CFTR: variants seen among roughly 807,000 people sequenced by gnomAD.
The protein encoded by CFTR is CF transmembrane conductance regulator.
A neutral mutation model predicts 171.6 loss-of-function variants in CFTR; 181 were observed. That is an observed-to-expected ratio of 1.05 (90% confidence interval 0.93 to 1.19). CFTR has a LOEUF of 1.19. Among genes scored for constraint, CFTR ranks in the 50% most tolerant of loss-of-function variants. The pLI, the probability that CFTR is intolerant of heterozygous loss-of-function variation, is 0.00. For missense variants in CFTR, 1,968 were observed against 1,734.7 expected (o/e 1.13, Z -2.39); for synonymous variants, 583 against 608.0 (o/e 0.96, Z 0.60).
intron 8 of CFTR, among the ~76,000 whole-genome samples, chr7:117,540,550 T>A (rs952932738): frequency 6.6e-6 from 1 of 152,142 alleles, no homozygotes. Context: ...TGGATGAGAG[T>A]GGCATTTTAT....
At chr7:117,593,116 A>AT (rs1279616027) in intron 14 of CFTR, among the ~76,000 whole-genome samples, 3 of 152,188 alleles carry the variant, frequency 2.0e-5, no homozygotes, top group African/African-American at 7.2e-5. Flanking sequence ...TCTGGTTTGT[A>AT]TATCAGTCTT....
rs1049078347 is a variant in CFTR at position 117,551,161 on chromosome 7, G to A, written c.1392+2338G>A. 3.9e-5 allele frequency among the ~76,000 whole-genome samples: 6 copies of A among 152,106 alleles called. No individual in the cohort carries two copies. The South Asian group carries it at 1.2e-3, about 32-fold the overall frequency. On this transcript the variant is annotated intron_variant, in intron 10 of 26. Transcript: ENST00000003084. ...GCTTTCAGGAGCCAAAAATTGGGTG[G>A]GGGAGCCCCATAAATGTTGAATAAT...
chr7:117,587,914 C>T lies in CFTR; in HGVS notation c.1679+81C>T, dbSNP rs1584810366. The T allele has an allele frequency of 7.0e-6, 6 of 861,360 alleles. No individual in the cohort carries two copies. The East Asian group carries it at 1.3e-4, about 19-fold the overall frequency. 53.4% of individuals were successfully genotyped at this position (861,360 alleles called of 1,614,324 possible). On this transcript the variant is annotated intron_variant, in intron 12 of 26. Transcript: ENST00000003084. ...AAAAATTACAGACATTTCTCTATTG[C>T]TTTATATTCTGTTTCTGGAATTGAA...
intron 1 of CFTR, among the ~76,000 whole-genome samples, chr7:117,497,102 T>A (rs1432538768): frequency 2.0e-5 from 3 of 152,176 alleles, no homozygotes; most frequent in African/African-American, 7.2e-5. Context: ...GCAAATTGGA[T>A]ACATGTGTAG....
intron 11 of CFTR, among the ~76,000 whole-genome samples, chr7:117,561,704 TGA>T (rs1791498385): frequency 1.3e-5 from 2 of 152,152 alleles, no homozygotes; most frequent in African/African-American, 4.8e-5. Context: ...GTGTAGAACA[TGA>T]ATCATATACT....
chr7:117,518,331 C>T (rs896767960), intron 3 of CFTR, among the ~76,000 whole-genome samples: 2 of 145,042 alleles, frequency 1.4e-5, no homozygotes, highest in Non-Finnish European at 3.0e-5. Context: ...TTGTATATAA[C>T]ATATGTTATA....
intron 13 of CFTR, among the ~76,000 whole-genome samples, chr7:117,591,406 A>G (rs1295447644): frequency 2.0e-5 from 3 of 152,082 alleles, no homozygotes; most frequent in Non-Finnish European, 4.4e-5. Context: ...AGTCAAATTA[A>G]TTATCGAATT....
chr7:117,597,549 C>T (rs200658244), intron 15 of CFTR, among the ~76,000 whole-genome samples: 44 of 152,186 alleles, frequency 2.9e-4, no homozygotes, highest in African/African-American at 9.4e-4. Flanking sequence ...TGTGCCACCA[C>T]CAATAAGCAA....
intron 23 of CFTR, among the ~76,000 whole-genome samples, chr7:117,644,700 GT>G (rs1352936479): frequency 6.6e-6 from 1 of 152,142 alleles, no homozygotes; most frequent in Non-Finnish European, 1.5e-5. Flanking sequence ...CCTTGCAGGT[GT>G]TTTGTTTTGT....
At chr7:117,604,431 T>G (rs974453932) in intron 17 of CFTR, among the ~76,000 whole-genome samples, 1 of 152,100 alleles carries the variant, frequency 6.6e-6, no homozygotes, top group Non-Finnish European at 1.5e-5. Context: ...TTTCCCCAAG[T>G]TTTTTCATAG....
intron 24 of CFTR, among the ~76,000 whole-genome samples, chr7:117,664,085 T>C (rs974895119): frequency 7.2e-5 from 11 of 152,228 alleles, no homozygotes; most frequent in Non-Finnish European, 1.3e-4. Context: ...TACCTATTTG[T>C]TACAGTTAGT....
At chr7:117,540,925 T>A (rs556663738) in intron 8 of CFTR, among the ~76,000 whole-genome samples, 1 of 152,072 alleles carries the variant, frequency 6.6e-6, no homozygotes, top group East Asian at 1.9e-4. Flanking sequence ...CAATTAAAAA[T>A]TGGGAGATGT....
chr7:117,557,666 A>G (rs1799382408), intron 10 of CFTR, among the ~76,000 whole-genome samples: 1 of 152,092 alleles, frequency 6.6e-6, no homozygotes, highest in Non-Finnish European at 1.5e-5. Flanking sequence ...TCTAACATGA[A>G]AATTATAGTC....
At chr7:117,599,889 G>T (rs1017928443) in intron 15 of CFTR, among the ~76,000 whole-genome samples, 1 of 151,994 alleles carries the variant, frequency 6.6e-6, no homozygotes, top group Non-Finnish European at 1.5e-5. Context: ...TGGTACAACT[G>T]CTAATCCAGG....
intron 23 of CFTR, among the ~76,000 whole-genome samples, chr7:117,648,597 T>C (rs916608483): frequency 1.2e-4 from 18 of 152,172 alleles, no homozygotes; most frequent in African/African-American, 3.9e-4. Flanking sequence ...GTGTGATTGA[T>C]AGTTTCAGGT....
chr7:117,496,638 G>A (rs1181202158), intron 1 of CFTR, among the ~76,000 whole-genome samples: 1 of 152,160 alleles, frequency 6.6e-6, no homozygotes, highest in Non-Finnish European at 1.5e-5. Flanking sequence ...ATGAACATTT[G>A]TGTACAAGTT....
chr7:117,533,516 T>A (rs887487517), intron 4 of CFTR, among the ~76,000 whole-genome samples: 26 of 152,172 alleles, frequency 1.7e-4, no homozygotes, highest in Non-Finnish European at 7.4e-5. Context: ...TCAAGTACAG[T>A]GATTTGCATT....
chr7:117,661,874 G>A (rs1793293723), intron 24 of CFTR, among the ~76,000 whole-genome samples: 1 of 150,656 alleles, frequency 6.6e-6, no homozygotes, highest in Non-Finnish European at 1.5e-5. Flanking sequence ...AAAATAATGT[G>A]CCTGATATCA....
rs397508266 is a variant in CFTR, at chr7:117,589,467, A to G, written c.1680-886A>G. 2.6e-5 allele frequency among the ~76,000 whole-genome samples: 4 copies of G among 152,044 alleles called. No homozygotes were observed. Among genetic ancestry groups the G allele is most frequent in the Admixed American group, 1.3e-4 (2 of 15,256 alleles). On this transcript the variant is annotated intron_variant, in intron 12 of 26. Transcript: ENST00000003084. Reference sequence around the variant, plus strand: ...ACAGAGAATCCTATGTACTTGAGATATAAGTAAGGTTACTATCAATCACAC... The same window carrying G: ...ACAGAGAATCCTATGTACTTGAGATGTAAGTAAGGTTACTATCAATCACAC...
Sources: gnomAD v4.1 joint callset for allele counts (sites outside exome capture counted in the v4.1 genomes callset) on GRCh38, gnomAD v4.1.1 for gene constraint, MANE v1.5 for transcripts, NCBI Gene and HGNC (gene_info 2026-07-23, HGNC 2026-07-21) for gene names.